ETV5: variants seen among roughly 807,000 people sequenced by gnomAD.
ETV5 encodes the protein ETS variant transcription factor 5, also known as ETS translocation variant 5.
In ETV5, 10 loss-of-function variants were observed where a neutral mutation model predicts 70.0. The observed-to-expected ratio is 0.14, with a 90% confidence interval of 0.09 to 0.24. The LOEUF (loss-of-function observed/expected upper bound fraction) is 0.24. ETV5 is among the 10% of genes least tolerant of loss of function. The pLI is 1.00. For synonymous variants in ETV5, 216 were observed against 242.2 expected (o/e 0.89, Z 1.01); for missense variants, 453 against 651.2 (o/e 0.70, Z 3.31).
chr3:186,078,985 G>GC (rs1713864983), intron 7 of ETV5: 1 of 944,602 alleles, frequency 1.1e-6, no homozygotes, highest in African/African-American at 1.7e-5. Context: ...CCCCATTGTG[G>GC]CCCCCACACC....
chr3:186,047,742 C>G lies in ETV5; in HGVS notation c.*897G>C, dbSNP rs183515420. 4.3e-6 allele frequency: 1 copy of G among 233,362 alleles called. No individual in the cohort carries two copies. Among genetic ancestry groups the G allele is most frequent in the East Asian group, 6.0e-5 (1 of 16,584 alleles). 14.5% of individuals were successfully genotyped at this position (233,362 alleles called of 1,614,324 possible). A position where few individuals can be genotyped will look rare whatever the true frequency, so the allele number is the denominator to read the frequency against. ...GCTGCAGTGTCTTCATAAGTTGGCACGGCCCTGGCTAAAGGACACAGTGCA... is the reference window on the plus strand; with the variant it reads ...GCTGCAGTGTCTTCATAAGTTGGCAGGGCCCTGGCTAAAGGACACAGTGCA... On this transcript the variant is annotated 3_prime_UTR_variant, in exon 13 of 13. Transcript: ENST00000306376.
intron 7 of ETV5, among the ~76,000 whole-genome samples, chr3:186,070,351 T>C (rs375880014): frequency 2.0e-5 from 3 of 152,364 alleles, no homozygotes; most frequent in African/African-American, 7.2e-5. Context: ...TTAGTGCTCA[T>C]CTTTTCTCAC....
chr3:186,095,662 C>T (rs1714286035), intron 5 of ETV5, among the ~76,000 whole-genome samples: 1 of 152,250 alleles, frequency 6.6e-6, no homozygotes. Flanking sequence ...TACTGGGAAA[C>T]ATAGCATTAG....
chr3:186,102,460 C>A (rs569839718), intron 5 of ETV5, among the ~76,000 whole-genome samples: 1 of 151,934 alleles, frequency 6.6e-6, no homozygotes, highest in East Asian at 1.9e-4. Flanking sequence ...TGGTGAAGCC[C>A]CGTCTCTACT....
intron 5 of ETV5, among the ~76,000 whole-genome samples, chr3:186,097,182 TGATTA>T (rs1050220695): frequency 6.6e-6 from 1 of 152,172 alleles, no homozygotes; most frequent in Admixed American, 6.5e-5. Context: ...GCAATGCATT[TGATTA>T]GTGTCCAGTG....
intron 5 of ETV5, among the ~76,000 whole-genome samples, chr3:186,100,319 TTTTC>T (rs1714423016): frequency 6.6e-6 from 1 of 152,202 alleles, no homozygotes; most frequent in South Asian, 2.1e-4. Flanking sequence ...GTGCCCACTG[TTTTC>T]TTTCTTACCT....
At chr3:186,088,477 C>G (rs1231274411) in intron 5 of ETV5, among the ~76,000 whole-genome samples, 2 of 152,218 alleles carry the variant, frequency 1.3e-5, no homozygotes, top group Non-Finnish European at 2.9e-5. Flanking sequence ...CACTGCTCCT[C>G]TCTGTGACCA....
intron 7 of ETV5, among the ~76,000 whole-genome samples, chr3:186,074,004 A>G (rs144592203): frequency 8.7e-4 from 132 of 152,348 alleles, no homozygotes; most frequent in Non-Finnish European, 1.5e-3. Context: ...AACAAAGAAT[A>G]AAGTATTTTA....
intron 9 of ETV5, among the ~76,000 whole-genome samples, chr3:186,063,642 T>G (rs1713364235): frequency 6.6e-6 from 1 of 152,200 alleles, no homozygotes; most frequent in Admixed American, 6.5e-5. Flanking sequence ...GGTAAACTGC[T>G]TTATATCTGT....
At chr3:186,077,821 C>A (rs1208921105) in intron 7 of ETV5, among the ~76,000 whole-genome samples, 1 of 152,214 alleles carries the variant, frequency 6.6e-6, no homozygotes, top group African/African-American at 2.4e-5. Flanking sequence ...TGGTCACCTA[C>A]AGAATTCCTC....
At chr3:186,101,222 T>C (rs1013893267) in intron 5 of ETV5, among the ~76,000 whole-genome samples, 8 of 152,250 alleles carry the variant, frequency 5.3e-5, no homozygotes, top group Non-Finnish European at 7.3e-5. Context: ...ATAGGAAATA[T>C]GTACACAGTT....
chr3:186,081,605 T>C (rs1406776125), intron 5 of ETV5, among the ~76,000 whole-genome samples: 2 of 152,200 alleles, frequency 1.3e-5, no homozygotes, highest in African/African-American at 4.8e-5. Flanking sequence ...AGGCTTAAAA[T>C]TGCTGTGGCA....
In ETV5 at chr3:186,107,935, C is replaced by G. The variant is rs543952386; in HGVS notation, c.-75+1005G>C. ...CCCCCATTTCCAACGCACGCCCAGC[C>G]TCCGACGCAGGCCCCTCACCCCAGC... On this transcript the variant is annotated intron_variant, in intron 1 of 12. Coordinates refer to ENST00000306376, the MANE Select transcript of ETV5 (RefSeq NM_004454.3). 2.2e-3 allele frequency among the ~76,000 whole-genome samples: 334 copies of G among 150,320 alleles called. 2 individuals carry two copies. The highest frequency in any genetic ancestry group is 6.8e-3 in the Middle Eastern group (2 of 294).
chr3:186,085,778 G>A (rs1714043832), intron 5 of ETV5, among the ~76,000 whole-genome samples: 1 of 152,102 alleles, frequency 6.6e-6, no homozygotes. Flanking sequence ...CCAAAGTGCT[G>A]GGATTACAGG....
intron 5 of ETV5, among the ~76,000 whole-genome samples, chr3:186,089,377 A>C (rs1166272212): frequency 6.6e-6 from 1 of 152,244 alleles, no homozygotes; most frequent in African/African-American, 2.4e-5. Flanking sequence ...AACCTGTGTA[A>C]GGATAAATTC....
chr3:186,078,203 T>C, intron 7 of ETV5: 4 of 1,051,634 alleles, frequency 3.8e-6, no homozygotes, highest in Non-Finnish European at 4.6e-6. Flanking sequence ...ATACAGTATG[T>C]TACATAAGCC....
At chr3:186,080,979 T>C (rs1713920336) in intron 6 of ETV5, 67 bp downstream of exon 6, 3 of 1,528,808 alleles carry the variant, frequency 2.0e-6, no homozygotes, top group Admixed American at 2.0e-5. Flanking sequence ...GGAAGGAACA[T>C]TCAGCTTGAT....
At chr3:186,079,771 A>G in intron 7 of ETV5, 46 bp downstream of exon 7, 1 of 1,552,430 alleles carries the variant, frequency 6.4e-7, no homozygotes, top group African/African-American at 1.4e-5. Flanking sequence ...GAGAAAGGAT[A>G]GGAGTGAGGG....
intron 7 of ETV5, among the ~76,000 whole-genome samples, chr3:186,067,807 G>A (rs1166441284): frequency 6.6e-6 from 1 of 151,998 alleles, no homozygotes; most frequent in Non-Finnish European, 1.5e-5. Context: ...TCAAACCAGG[G>A]GGAAAGAATC....
Sources: allele counts gnomAD v4.1 joint callset (sites outside exome capture counted in the v4.1 genomes callset), GRCh38; gene constraint gnomAD v4.1.1; transcripts MANE v1.5; gene names NCBI Gene and HGNC (gene_info 2026-07-23, HGNC 2026-07-21).